Variants in PTPRQ observed in about 807,000 individuals in gnomAD.
The protein encoded by PTPRQ is phosphatidylinositol phosphatase PTPRQ.
Under a neutral mutation model 246.0 loss-of-function variants are expected in PTPRQ, and 199 were observed. The observed-to-expected ratio is 0.81, with a 90% CI of 0.72 to 0.91. PTPRQ has a LOEUF of 0.91. PTPRQ is among the 40% of genes least tolerant of loss of function. The pLI is 0.00. For synonymous variants in PTPRQ, 869 were observed against 853.2 expected (o/e 1.02, Z -0.32); for missense variants, 2,624 against 2,528.4 (o/e 1.04, Z -0.81).
In PTPRQ at chr12:80,630,292, T is replaced by C. The variant is rs555735606; in HGVS notation, c.5687-1900T>C. 4.6e-5 allele frequency among the ~76,000 whole-genome samples: 7 copies of C among 152,308 alleles called. No homozygotes were observed. In the South Asian group the frequency reaches 1.0e-3, roughly 23 times the overall value. On this transcript the variant is annotated intron_variant, in intron 33 of 44. Transcript: ENST00000644991. Reference sequence around the variant, plus strand: ...TGAAGCAATCAGATAGGTTGTCACGTAGGAAGTCCCATATTTTGGATCTGT... The same window carrying C: ...TGAAGCAATCAGATAGGTTGTCACGCAGGAAGTCCCATATTTTGGATCTGT...
At chr12:80,457,813 A>C (rs1205895558) in intron 4 of PTPRQ, among the ~76,000 whole-genome samples, 169 bp downstream of exon 4, 3 of 152,124 alleles carry the variant, frequency 2.0e-5, no homozygotes, top group Non-Finnish European at 4.4e-5. Flanking sequence ...CTTAAAATAT[A>C]TATTATTCTT....
At chr12:80,600,797 C>T (rs1245853790) in intron 26 of PTPRQ, among the ~76,000 whole-genome samples, 1 of 151,778 alleles carries the variant, frequency 6.6e-6, no homozygotes, top group Non-Finnish European at 1.5e-5. Context: ...TACTTCATGG[C>T]GTTTGTCTTT....
At chr12:80,519,802 A>T (rs1319465762) in intron 17 of PTPRQ, among the ~76,000 whole-genome samples, 1 of 152,170 alleles carries the variant, frequency 6.6e-6, no homozygotes, top group African/African-American at 2.4e-5. Context: ...ATTAGCCAGA[A>T]CCAGTCCATG....
chr12:80,506,770 A>G (rs1894974051), intron 16 of PTPRQ, 100 bp downstream of exon 16: 2 of 1,051,788 alleles, frequency 1.9e-6, no homozygotes, highest in Non-Finnish European at 2.7e-6. Flanking sequence ...AGTCATGGGT[A>G]TCAGTTGTGT....
chr12:80,487,266 A>C (rs1376245511), intron 9 of PTPRQ, among the ~76,000 whole-genome samples: 1 of 152,120 alleles, frequency 6.6e-6, no homozygotes, highest in Admixed American at 6.6e-5. Context: ...TAGGGGCTTC[A>C]TGATGGGAGG....
chr12:80,593,928 C>T (rs1897884649), intron 26 of PTPRQ, among the ~76,000 whole-genome samples: 1 of 151,478 alleles, frequency 6.6e-6, no homozygotes. Flanking sequence ...GACTGGAAGA[C>T]AGCAAGAAAG....
At position 80,679,594 on chromosome 12, in the gene PTPRQ, A is replaced by C. The variant is rs1901252972; in HGVS notation, c.*571A>C. ...TGCAGGGATTACTTGGCCTTTATAC[A>C]ACACACAGTAGCTCTTCAGGGACAC... On this transcript the variant is annotated 3_prime_UTR_variant, in exon 45 of 45. Coordinates refer to ENST00000644991, the MANE Select transcript of PTPRQ (RefSeq NM_001145026.2). 6.6e-6 allele frequency: 1 copy of C among 152,060 alleles called. No homozygotes were observed. Among genetic ancestry groups the C allele is most frequent in the African/African-American group, 2.4e-5 (1 of 41,432 alleles). 9.4% of individuals were successfully genotyped at this position (152,060 alleles called of 1,614,324 possible).
At chr12:80,473,051 A>ACGCGCG (rs1202125045) in intron 8 of PTPRQ, among the ~76,000 whole-genome samples, 5 of 135,968 alleles carry the variant, frequency 3.7e-5, no homozygotes, top group African/African-American at 1.5e-4. Flanking sequence ...ACACACGCAC[A>ACGCGCG]CACACACACA....
chr12:80,632,080 A>G, intron 33 of PTPRQ, 112 bp from the exon 34 acceptor site: 2 of 1,370,062 alleles, frequency 1.5e-6, no homozygotes, highest in Non-Finnish European at 1.9e-6. Context: ...TTTTACTAGT[A>G]TTCTTCAGCA....
chr12:80,661,335 C>T (rs1189295194), intron 39 of PTPRQ, among the ~76,000 whole-genome samples: 5 of 148,292 alleles, frequency 3.4e-5, no homozygotes, highest in Non-Finnish European at 7.4e-5. Flanking sequence ...AACATATATA[C>T]ATTTTGTATG....
Position 80,620,187 on chromosome 12 carries a change from A to T in PTPRQ, c.5423A>T (p.Asp1808Val). 1 of 1,548,496 alleles carries T rather than the reference A, an allele frequency of 6.5e-7. No individual in the cohort carries two copies. Among genetic ancestry groups the T allele is most frequent in the Non-Finnish European group, 8.7e-7 (1 of 1,144,990 alleles). Residue 1808 changes from aspartate to valine, a missense_variant, in exon 32 of 45, where the codon GAT becomes GTT. Coordinates refer to ENST00000644991, the MANE Select transcript of PTPRQ (RefSeq NM_001145026.2). ...QHDGNVTKWY[D>V]AYFNKARPYF... ...GATGGAAATGTAACAAAGTGGTATG[A>T]TGCATATTTTAATAAAGCAAGGCCA...
chr12:80,529,673 A>G (rs1034990243), intron 17 of PTPRQ, among the ~76,000 whole-genome samples: 3 of 146,986 alleles, frequency 2.0e-5, no homozygotes, highest in Non-Finnish European at 4.4e-5. Context: ...ATGTCTTTTG[A>G]AAAAAAAATG....
At chr12:80,600,525 A>ATCTCACAACTTTCTTAGCCGCAGAAAAT (rs1898107794) in intron 26 of PTPRQ, among the ~76,000 whole-genome samples, 1 of 151,646 alleles carries the variant, frequency 6.6e-6, no homozygotes, top group Non-Finnish European at 1.5e-5. Flanking sequence ...CCGCAGAAAA[A>ATCTCACAACTTTCTTAGCCGCAGAAAAT]TCTCACAACT....
At position 80,495,451 on chromosome 12, in the gene PTPRQ, TGCC is replaced by T; in HGVS notation, c.1882+81_1882+83del. On this transcript the variant is annotated intron_variant, in intron 12 of 44. Transcript: ENST00000644991. ...GGTGGAAAATATGCCCATCTCCCTG[TGCC>T]TTATATACTACAGAACACATGCTAT... 2.8e-6 allele frequency: 4 copies of T among 1,447,236 alleles called. No homozygotes were observed. In the South Asian group the frequency reaches 6.3e-5, roughly 23 times the overall value. 89.6% of individuals were successfully genotyped at this position (1,447,236 alleles called of 1,614,324 possible). A position where few individuals can be genotyped will look rare whatever the true frequency, so the allele number is the denominator to read the frequency against.
In PTPRQ at chr12:80,542,335, G is replaced by A; in HGVS notation, c.3692G>A (p.Ser1231Asn). The A allele has an allele frequency of 6.5e-7, 1 of 1,544,964 alleles. No homozygotes were observed. Residue 1231 changes from serine (S) to asparagine (N), a missense_variant, in exon 22 of 45, where the codon AGT becomes AAT. By Grantham distance (46) the Ser-to-Asn change is conservative (BLOSUM62 1). Coordinates refer to ENST00000644991, the MANE Select transcript of PTPRQ (RefSeq NM_001145026.2). ...ARTRKGLGPS[S>N]ILFFYTDESV... ...ACTAGAAAAGGACTTGGTCCTTCCAGTATTCTTTTCTTTTACACAGATGAG... is the reference window on the plus strand; with the variant it reads ...ACTAGAAAAGGACTTGGTCCTTCCAATATTCTTTTCTTTTACACAGATGAG...
At chr12:80,558,408 T>A (rs1388465230) in intron 25 of PTPRQ, among the ~76,000 whole-genome samples, 1 of 151,440 alleles carries the variant, frequency 6.6e-6, no homozygotes, top group East Asian at 1.9e-4. Flanking sequence ...GCTCAGGCAA[T>A]GTGCCCACCT....
At chr12:80,453,510 G>A (rs1892852178) in intron 3 of PTPRQ, among the ~76,000 whole-genome samples, 1 of 144,468 alleles carries the variant, frequency 6.9e-6, no homozygotes, top group Non-Finnish European at 1.5e-5. Context: ...TCTACTTTTG[G>A]TCTTTGATGA....
intron 42 of PTPRQ, among the ~76,000 whole-genome samples, chr12:80,672,398 G>C (rs1273005449): frequency 6.6e-6 from 1 of 151,538 alleles, no homozygotes; most frequent in African/African-American, 2.4e-5. Context: ...GCCAATGTTT[G>C]AATGTTTCTT....
intron 33 of PTPRQ, among the ~76,000 whole-genome samples, chr12:80,622,363 T>C (rs1899027360): frequency 6.6e-6 from 1 of 152,082 alleles, no homozygotes; most frequent in Non-Finnish European, 1.5e-5. Context: ...TTAACTATCC[T>C]TTAAGTTAGG....
Sources: allele counts gnomAD v4.1 joint callset (sites outside exome capture counted in the v4.1 genomes callset), GRCh38; gene constraint gnomAD v4.1.1; transcripts MANE v1.5; gene names NCBI Gene and HGNC (gene_info 2026-07-23, HGNC 2026-07-21).